Variants in TNRC18 observed in about 807,000 individuals in gnomAD.
TNRC18 encodes the protein trinucleotide repeat containing 18, also known as trinucleotide repeat-containing gene 18 protein.
TNRC18 carries 69 observed loss-of-function variants against 226.7 expected under a neutral mutation model. The ratio of observed to expected loss-of-function variants is 0.30; its 90% CI spans 0.25 to 0.37. The LOEUF (loss-of-function observed/expected upper bound fraction) is 0.37. Ranked by LOEUF, TNRC18 falls within the 10% of genes least tolerant of loss-of-function variation. The probability of loss-of-function intolerance (pLI) is 1.00; values close to 1 mark genes in which losing one functional copy is unlikely to be tolerated. For missense variants in TNRC18, 4,754 were observed against 4,256.6 expected (o/e 1.12, Z -3.25); for synonymous variants, 2,449 against 1,927.6 (o/e 1.27, Z -7.09).
At chr7:5,354,245 A>T (rs1272897829) in intron 16 of TNRC18, among the ~76,000 whole-genome samples, 4 of 151,906 alleles carry the variant, frequency 2.6e-5, no homozygotes, top group Non-Finnish European at 5.9e-5. Flanking sequence ...AATAAATAAA[A>T]CGGACATTCC....
chr7:5,339,229 C>CTTTTTTTTTTTTTTTTT (rs199794938), intron 18 of TNRC18, among the ~76,000 whole-genome samples: 5 of 142,592 alleles, frequency 3.5e-5, no homozygotes, highest in Admixed American at 7.0e-5. Context: ...CTTTTTTTTT[C>CTTTTTTTTTTTTTTTTT]TTTTTTTTTT....
At position 5,320,602 on chromosome 7, in the gene TNRC18, C is replaced by T. The variant is rs1464968987; in HGVS notation, c.6566G>A (p.Arg2189His). 3 of 1,611,256 alleles carry T rather than the reference C, an allele frequency of 1.9e-6. No individual in the cohort carries two copies. Among genetic ancestry groups the T allele is most frequent in the African/African-American group, 2.7e-5 (2 of 74,824 alleles). The change falls in exon 23 of 30, where the codon CGC becomes CAC. Residue 2189 changes from arginine (R) to histidine (H), a missense_variant. Transcript: ENST00000430969. ...VQTVHSPDIY[R>H]VVVEGERGNR... ...GCCCCGCTCACCCTCCACCACCACG[C>T]GGTATCTGTAGGAGCAAACGAGGCG...
intron 17 of TNRC18, among the ~76,000 whole-genome samples, chr7:5,346,080 A>G (rs1179532193): frequency 6.6e-6 from 1 of 152,256 alleles, no homozygotes; most frequent in Non-Finnish European, 1.5e-5. Context: ...TGTGAGGGGC[A>G]CCAACATGCA....
intron 5 of TNRC18, among the ~76,000 whole-genome samples, chr7:5,385,656 C>T (rs1779719247): frequency 6.7e-6 from 1 of 149,898 alleles, no homozygotes; most frequent in Admixed American, 6.7e-5. Flanking sequence ...TGCACTCCAG[C>T]GTGGTGACAG....
rs1468596873 is a variant in TNRC18, at chr7:5,332,795, C to A, written c.5974G>T (p.Asp1992Tyr). ...FEAGPEASDD[D>Y]LWTRRRSERI... is the part of the protein sequence containing the mutation. ...TCGCTGCGGCGCCGCGTCCACAGGT[C>A]GTCGTCGCTGGCCTCGGGCCCCGCC... Residue 1992 changes from aspartate (D) to tyrosine (Y), a missense_variant, in exon 19 of 30, where the codon GAC becomes TAC. By Grantham distance (160) the Asp-to-Tyr change is radical. Coordinates refer to ENST00000430969, the MANE Select transcript of TNRC18 (RefSeq NM_001080495.3). 6 of 1,512,736 alleles carry A rather than the reference C, an allele frequency of 4.0e-6. No homozygotes were observed. The highest frequency in any genetic ancestry group is 5.3e-6 in the Non-Finnish European group (6 of 1,138,156). 93.7% of individuals were successfully genotyped at this position (1,512,736 alleles called of 1,614,324 possible). A position where few individuals can be genotyped will look rare whatever the true frequency, so the allele number is the denominator to read the frequency against.
chr7:5,325,287 AG>A, intron 19 of TNRC18, 39 bp from the exon 20 acceptor site: 1 of 1,539,364 alleles, frequency 6.5e-7, no homozygotes, highest in Non-Finnish European at 8.7e-7. Context: ...ATCAAACGGC[AG>A]GGAAAGCACA....
chr7:5,399,328 G>A (rs975424489), intron 2 of TNRC18, among the ~76,000 whole-genome samples: 1 of 152,186 alleles, frequency 6.6e-6, no homozygotes, highest in African/African-American at 2.4e-5. Flanking sequence ...TCAAGACCTG[G>A]CTCCCCAAAT....
Position 5,313,750 on chromosome 7 carries a change from C to T in TNRC18, c.7141G>A (p.Asp2381Asn). ...GSKKSPPEPV[D>N]KRAKAPKARP... ...GCCTTGGGGGCCTTGGCTCGCTTGT[C>T]CACAGGCTCTGGGGGGCTCTTCTTG... The change falls in exon 27 of 30, where the codon GAC becomes AAC. Residue 2381 changes from aspartate (D) to asparagine (N), a missense_variant. Asp to Asn is a conservative substitution (Grantham distance 23, BLOSUM62 1). Transcript: ENST00000430969. 3.2e-6 allele frequency: 5 copies of T among 1,568,530 alleles called. No homozygotes were observed. Among genetic ancestry groups the T allele is most frequent in the East Asian group, 2.2e-5 (1 of 44,454 alleles).
Position 5,356,825 on chromosome 7 carries a change from A to AGG in TNRC18, c.5194+89_5194+90dup, listed in dbSNP as rs869284029. ...GAGAGCGAGAGCGAGAGAGAGAGTG[A>AGG]GGGGCGGGGGGGGAAGGAGGACGGT... On this transcript the variant is annotated intron_variant, in intron 16 of 29. Transcript: ENST00000430969. The AGG allele has an allele frequency of 4.9e-5, 53 of 1,086,770 alleles. No homozygotes were observed. In the African/African-American group the frequency reaches 1.7e-3, roughly 35 times the overall value. The allele number at this position is 1,086,770 out of a possible 1,614,324, so 67.3% of individuals were successfully genotyped here. A position where few individuals can be genotyped will look rare whatever the true frequency, so the allele number is the denominator to read the frequency against.
chr7:5,391,183 G>A (rs1039898070), intron 3 of TNRC18, among the ~76,000 whole-genome samples: 5 of 152,016 alleles, frequency 3.3e-5, no homozygotes, highest in African/African-American at 1.2e-4. Flanking sequence ...ATCTTCAGCT[G>A]CTGGGTCTCC....
chr7:5,355,093 G>A (rs538671305), intron 16 of TNRC18, among the ~76,000 whole-genome samples: 11 of 152,250 alleles, frequency 7.2e-5, no homozygotes, highest in Admixed American at 2.6e-4. Flanking sequence ...CACTGACATG[G>A]GCCAGAACCC....
chr7:5,307,777 A>T lies in TNRC18; in HGVS notation c.*329T>A. On this transcript the variant is annotated 3_prime_UTR_variant, in exon 30 of 30. Transcript: ENST00000430969. Reference sequence around the variant, plus strand: ...CCTGGGGGCACCCGGGCCCCCACGCAGCAGCAGCCTGGAGGGCCGGCCTGG... The same window carrying T: ...CCTGGGGGCACCCGGGCCCCCACGCTGCAGCAGCCTGGAGGGCCGGCCTGG... The T allele has an allele frequency of 2.5e-6, 1 of 399,750 alleles. No individual in the cohort carries two copies. The highest frequency in any genetic ancestry group is 4.8e-6 in the Non-Finnish European group (1 of 210,402). The allele number at this position is 399,750 out of a possible 1,614,324, so 24.8% of individuals were successfully genotyped here.
chr7:5,372,137 G>A (rs1011791259), intron 10 of TNRC18, among the ~76,000 whole-genome samples: 28 of 151,524 alleles, frequency 1.8e-4, no homozygotes, highest in African/African-American at 5.1e-4. Context: ...GCGCGATCGC[G>A]GCTCACTACA....
intron 2 of TNRC18, among the ~76,000 whole-genome samples, chr7:5,409,186 T>C (rs1464027157): frequency 6.6e-6 from 1 of 151,996 alleles, no homozygotes; most frequent in Admixed American, 6.6e-5. Context: ...CTGAGAATGA[T>C]TATCAGCAGG....
In TNRC18 at chr7:5,344,570, AG is replaced by A. The variant is rs567825376; in HGVS notation, c.5719+991del. Among the ~76,000 whole-genome samples, 349 of 152,284 alleles carry A rather than the reference AG, an allele frequency of 2.3e-3. 1 individual carries two copies. Among genetic ancestry groups the A allele is most frequent in the African/African-American group, 8.1e-3 (337 of 41,562 alleles). On this transcript the variant is annotated intron_variant, in intron 18 of 29. Transcript: ENST00000430969. ...GGGGCTTTGCTCCACGAACCTGCAGAGGGCATGAAGCCAGGGGCAGCTGGGG... is the reference window on the plus strand; with the variant it reads ...GGGGCTTTGCTCCACGAACCTGCAGAGGCATGAAGCCAGGGGCAGCTGGGG...
chr7:5,412,120 T>C (rs1781879945), intron 2 of TNRC18, among the ~76,000 whole-genome samples: 1 of 151,554 alleles, frequency 6.6e-6, no homozygotes, highest in South Asian at 2.1e-4. Context: ...GCCCAGGAGG[T>C]TGAGGCTGTA....
rs1336556537 is a variant in TNRC18 at position 5,325,106 on chromosome 7, A to G, written c.6290T>C (p.Val2097Ala). The change falls in exon 20 of 30, where the codon GTG becomes GCG. Residue 2097 changes from valine (V) to alanine (A), a missense_variant. Physicochemically the swap from Val to Ala is moderately conservative, Grantham distance 64 (BLOSUM62 0). Coordinates refer to ENST00000430969, the MANE Select transcript of TNRC18 (RefSeq NM_001080495.3). ...CACGGTGAGCCTCACCTCCTTCTTCACCTCCTTCCCTTTGGCCTTGGCTTT... is the reference window on the plus strand; with the variant it reads ...CACGGTGAGCCTCACCTCCTTCTTCGCCTCCTTCCCTTTGGCCTTGGCTTT... ...RSKAKAKGKEVKKENRGKGGA... is the reference protein window; with the variant it reads ...RSKAKAKGKEAKKENRGKGGA... 31 of 1,548,934 alleles carry G rather than the reference A, an allele frequency of 2.0e-5. No homozygotes were observed. Among genetic ancestry groups the G allele is most frequent in the Non-Finnish European group, 2.6e-5 (30 of 1,146,722 alleles).
At chr7:5,380,162 C>G (rs889878388) in intron 5 of TNRC18, among the ~76,000 whole-genome samples, 14 of 152,290 alleles carry the variant, frequency 9.2e-5, no homozygotes, top group African/African-American at 3.4e-4. Context: ...AGCAGCACCC[C>G]AGGCCCGACA....
chr7:5,419,272 C>A (rs1053905588), intron 2 of TNRC18, among the ~76,000 whole-genome samples: 4 of 152,258 alleles, frequency 2.6e-5, no homozygotes, highest in African/African-American at 9.6e-5. Context: ...CACCGCTTCG[C>A]ATTAGGGCAC....
Sources: allele counts gnomAD v4.1 joint callset (sites outside exome capture counted in the v4.1 genomes callset), GRCh38; gene constraint gnomAD v4.1.1; transcripts MANE v1.5; gene names NCBI Gene and HGNC (gene_info 2026-07-23, HGNC 2026-07-21).